ARHGAP28: variants seen among roughly 807,000 people sequenced by gnomAD.
ARHGAP28 encodes rho GTPase-activating protein 28.
ARHGAP28 carries 56 observed loss-of-function variants against 90.7 expected under a neutral mutation model. The observed-to-expected ratio is 0.62, with a 90% CI of 0.50 to 0.77. The LOEUF is 0.77. Ranked by LOEUF, ARHGAP28 falls within the 30% of genes least tolerant of loss-of-function variation. The probability of loss-of-function intolerance (pLI) is 0.00; values close to 1 mark genes in which losing one functional copy is unlikely to be tolerated. For synonymous variants in ARHGAP28, 308 were observed against 323.3 expected (o/e 0.95, Z 0.51); for missense variants, 869 against 900.9 (o/e 0.96, Z 0.45).
At chr18:6,839,731 T>A (rs562676577) in intron 3 of ARHGAP28, among the ~76,000 whole-genome samples, 12 of 152,234 alleles carry the variant, frequency 7.9e-5, no homozygotes, top group Admixed American at 5.9e-4. Flanking sequence ...ATCTTCGAGA[T>A]TTATTGACAA....
rs750132111 is a variant in ARHGAP28 at position 6,889,897 on chromosome 18, A to G, written c.1546A>G (p.Thr516Ala). 6.2e-7 allele frequency: 1 copy of G among 1,614,062 alleles called. No individual in the cohort carries two copies. Among genetic ancestry groups the G allele is most frequent in the Non-Finnish European group, 8.5e-7 (1 of 1,179,992 alleles). The change falls in exon 13 of 18, where the codon ACA becomes GCA. Residue 516 changes from threonine (T) to alanine (A), a missense_variant. Coordinates refer to ENST00000383472, the MANE Select transcript of ARHGAP28 (RefSeq NM_001366230.1). ...TGCTGTTTCTTCTTAGGCCCTCATG[A>G]CATTCTTCAATAAAGTGATTGCCAA... ...ANRDAAQALM[T>A]FFNKVIANES...
At chr18:6,843,302 C>T (rs963902454) in intron 3 of ARHGAP28, among the ~76,000 whole-genome samples, 1 of 152,162 alleles carries the variant, frequency 6.6e-6, no homozygotes, top group Non-Finnish European at 1.5e-5. Flanking sequence ...TACTGCCGCT[C>T]TTCAGTGTCT....
intron 1 of ARHGAP28, among the ~76,000 whole-genome samples, chr18:6,765,640 C>T (rs1484641937): frequency 6.6e-6 from 1 of 151,928 alleles, no homozygotes; most frequent in African/African-American, 2.4e-5. Flanking sequence ...TATTTATTTG[C>T]TTCTATTTAC....
chr18:6,731,756 C>T (rs1459382564), intron 1 of ARHGAP28, among the ~76,000 whole-genome samples: 1 of 152,118 alleles, frequency 6.6e-6, no homozygotes, highest in Non-Finnish European at 1.5e-5. Flanking sequence ...TTACAAAGAG[C>T]CAGAGGACAC....
At chr18:6,870,842 C>T (rs772537538) in intron 7 of ARHGAP28, 110 bp downstream of exon 7, 2 of 1,237,654 alleles carry the variant, frequency 1.6e-6, no homozygotes, top group South Asian at 3.0e-5. Flanking sequence ...CTCTATTGCC[C>T]CAGGCTGGAG....
chr18:6,905,335 A>G (rs1360938953), intron 16 of ARHGAP28, among the ~76,000 whole-genome samples: 3 of 152,172 alleles, frequency 2.0e-5, no homozygotes, highest in African/African-American at 7.2e-5. Context: ...TTGATACAGA[A>G]AAAAGCCTTT....
chr18:6,796,185 C>T (rs1211794102), intron 1 of ARHGAP28, among the ~76,000 whole-genome samples: 3 of 152,206 alleles, frequency 2.0e-5, no homozygotes, highest in African/African-American at 7.2e-5. Context: ...TACCAGTGAG[C>T]ACTCGCTGAA....
At chr18:6,751,241 A>G (rs1219050698) in intron 1 of ARHGAP28, among the ~76,000 whole-genome samples, 1 of 152,170 alleles carries the variant, frequency 6.6e-6, no homozygotes, top group Non-Finnish European at 1.5e-5. Flanking sequence ...ATGATACACC[A>G]AAGAAACACA....
At chr18:6,839,017 A>G (rs1475572438) in intron 3 of ARHGAP28, among the ~76,000 whole-genome samples, 1 of 152,182 alleles carries the variant, frequency 6.6e-6, no homozygotes. Context: ...CAGCAGCATC[A>G]TGGTTTATGA....
chr18:6,824,705 G>T, intron 1 of ARHGAP28, 57 bp from the exon 2 acceptor site: 3 of 1,378,240 alleles, frequency 2.2e-6, no homozygotes, highest in Non-Finnish European at 2.9e-6. Context: ...TAATTTTGTG[G>T]CTTTATAACA....
chr18:6,780,326 G>A (rs1459424217), intron 1 of ARHGAP28, among the ~76,000 whole-genome samples: 2 of 152,036 alleles, frequency 1.3e-5, no homozygotes, highest in African/African-American at 4.8e-5. Context: ...AACTAACTAC[G>A]ACAATTAAAA....
At chr18:6,781,847 T>C (rs1025945223) in intron 1 of ARHGAP28, among the ~76,000 whole-genome samples, 3 of 152,222 alleles carry the variant, frequency 2.0e-5, no homozygotes, top group Non-Finnish European at 4.4e-5. Flanking sequence ...TTCAAAACTA[T>C]TTTTGTCTCT....
chr18:6,762,499 G>A (rs1028586865), intron 1 of ARHGAP28, among the ~76,000 whole-genome samples: 2 of 152,100 alleles, frequency 1.3e-5, no homozygotes, highest in African/African-American at 2.4e-5. Context: ...ATTCACGCAC[G>A]ATATTCCTTC....
chr18:6,802,719 A>T (rs942880392), intron 1 of ARHGAP28, among the ~76,000 whole-genome samples: 3 of 152,152 alleles, frequency 2.0e-5, no homozygotes, highest in Non-Finnish European at 4.4e-5. Flanking sequence ...TTTACATAAC[A>T]TCTTAAAATA....
intron 1 of ARHGAP28, among the ~76,000 whole-genome samples, chr18:6,810,260 G>A (rs1430023999): frequency 2.6e-5 from 4 of 152,152 alleles, no homozygotes; most frequent in Non-Finnish European, 4.4e-5. Context: ...ATGGGTTTGA[G>A]AAGTTCTTGC....
rs146641172 is a variant in ARHGAP28, at chr18:6,757,548, T to C, written c.122+27605T>C. Among the ~76,000 whole-genome samples, 867 of 152,320 alleles carry C rather than the reference T, an allele frequency of 5.7e-3. 9 individuals carry two copies. Among genetic ancestry groups the C allele is most frequent in the African/African-American group, 0.02 (843 of 41,574 alleles). On this transcript the variant is annotated intron_variant, in intron 1 of 17. Coordinates refer to ENST00000383472, the MANE Select transcript of ARHGAP28 (RefSeq NM_001366230.1). ...TACTTTCTTAGAGAAATAAAATCCA[T>C]ACAGATTTGGTAAAAGGAGCATTTG...
intron 1 of ARHGAP28, among the ~76,000 whole-genome samples, chr18:6,817,339 A>AT (rs2056598461): frequency 6.6e-6 from 1 of 151,570 alleles, no homozygotes; most frequent in Admixed American, 6.6e-5. Flanking sequence ...AAACAAAAAA[A>AT]AAACAAAACA....
intron 10 of ARHGAP28, among the ~76,000 whole-genome samples, chr18:6,877,954 G>GTGTGTGTGTGTGTGTATGTGCA (rs527959967): frequency 1.3e-5 from 2 of 149,542 alleles, no homozygotes; most frequent in African/African-American, 4.9e-5. Context: ...TGGTTCCTCT[G>GTGTGTGTGTGTGTGTATGTGCA]TGTGTGTGTG....
intron 1 of ARHGAP28, among the ~76,000 whole-genome samples, chr18:6,732,694 AAAGT>A (rs2055892962): frequency 6.6e-6 from 1 of 152,148 alleles, no homozygotes; most frequent in South Asian, 2.1e-4. Flanking sequence ...TTGTTTTCGT[AAAGT>A]GAGTAGCCAG....
Sources: gnomAD v4.1 joint callset for allele counts (sites outside exome capture counted in the v4.1 genomes callset) on GRCh38, gnomAD v4.1.1 for gene constraint, MANE v1.5 for transcripts, NCBI Gene and HGNC (gene_info 2026-07-23, HGNC 2026-07-21) for gene names.